The following LRRC49 variants were observed in gnomAD, a reference collection of about 807,000 sequenced individuals.
LRRC49 encodes leucine rich repeat containing 49.
A neutral mutation model predicts 83.3 loss-of-function variants in LRRC49; 50 were observed. The ratio of observed to expected loss-of-function variants is 0.60; its 90% CI spans 0.48 to 0.76. The LOEUF (loss-of-function observed/expected upper bound fraction) is 0.76. Ranked by LOEUF, LRRC49 falls within the 30% of genes least tolerant of loss-of-function variation. LRRC49 has a pLI of 0.00. For synonymous variants in LRRC49, 286 were observed against 283.3 expected (o/e 1.01, Z -0.10); for missense variants, 704 against 809.1 (o/e 0.87, Z 1.58).
chr15:70,993,139 T>C (rs1286850964), intron 11 of LRRC49, among the ~76,000 whole-genome samples: 1 of 152,206 alleles, frequency 6.6e-6, no homozygotes, highest in African/African-American at 2.4e-5. Flanking sequence ...ACTGCCATGC[T>C]AGCAATGAGC....
In LRRC49 at chr15:70,882,446, T is replaced by C. The variant is rs764288615; in HGVS notation, c.18+9223T>C. ...CTATAGCACATCAGAGCATTTGATG[T>C]TGAGTTTTTAACATGTTTCTTCTTT... On this transcript the variant is annotated intron_variant, in intron 2 of 16. Coordinates refer to the LRRC49 transcript ENST00000544974. The C allele has an allele frequency of 1.9e-6, 3 of 1,601,100 alleles. No individual in the cohort carries two copies. In the Admixed American group the frequency reaches 5.1e-5, roughly 27 times the overall value.
chr15:70,905,140 T>G (rs1674933635), intron 5 of LRRC49, among the ~76,000 whole-genome samples: 1 of 152,218 alleles, frequency 6.6e-6, no homozygotes, highest in African/African-American at 2.4e-5. Context: ...CGATACTTTG[T>G]GATTATCTCA....
chr15:70,963,554 G>T (rs927904521), intron 8 of LRRC49, among the ~76,000 whole-genome samples: 2 of 151,972 alleles, frequency 1.3e-5, no homozygotes, highest in Non-Finnish European at 2.9e-5. Flanking sequence ...TAAAATACAG[G>T]CTTTAGCTAC....
At position 70,903,091 on chromosome 15, in the gene LRRC49, G is replaced by A. The variant is rs555567015; in HGVS notation, c.297-1461G>A. On this transcript the variant is annotated intron_variant, in intron 4 of 15. Coordinates refer to ENST00000260382, the MANE Select transcript of LRRC49 (RefSeq NM_017691.5). The stretch of plus-strand genomic sequence containing the variant: ...TTAGTGATGACCGATTCAAGAATTG[G>A]ATGAAATAGAAGTTGGGGGGTATCA... 4.6e-5 allele frequency among the ~76,000 whole-genome samples: 7 copies of A among 152,190 alleles called. No individual in the cohort carries two copies. The South Asian group carries it at 1.5e-3, about 32-fold the overall frequency.
At chr15:70,987,391 C>T (rs1248815481) in intron 11 of LRRC49, among the ~76,000 whole-genome samples, 2 of 152,162 alleles carry the variant, frequency 1.3e-5, no homozygotes, top group East Asian at 3.9e-4. Flanking sequence ...GGAATTTATC[C>T]ATTTCTTCTA....
intron 6 of LRRC49, among the ~76,000 whole-genome samples, chr15:70,917,355 C>T (rs891969301): frequency 2.0e-5 from 3 of 152,146 alleles, no homozygotes; most frequent in Admixed American, 1.3e-4. Flanking sequence ...TGCCTGTGGC[C>T]GCCCATGGGC....
intron 14 of LRRC49, among the ~76,000 whole-genome samples, chr15:71,016,375 G>T (rs1038539026): frequency 6.6e-6 from 1 of 152,070 alleles, no homozygotes; most frequent in African/African-American, 2.4e-5. Context: ...AAGCTGTGCT[G>T]ACAGGAAATT....
intron 9 of LRRC49, among the ~76,000 whole-genome samples, chr15:70,975,632 G>A (rs1205055224): frequency 6.6e-6 from 1 of 152,194 alleles, no homozygotes; most frequent in Non-Finnish European, 1.5e-5. Context: ...GGTCAAAGCT[G>A]CAGTGAGCCA....
intron 10 of LRRC49, among the ~76,000 whole-genome samples, chr15:70,982,213 T>C (rs2037426854): frequency 6.6e-6 from 1 of 152,192 alleles, no homozygotes; most frequent in Non-Finnish European, 1.5e-5. Context: ...CTGCTTTATC[T>C]ATGTCATTCT....
At chr15:70,926,942 C>G (rs1288230561) in intron 7 of LRRC49, among the ~76,000 whole-genome samples, 1 of 152,098 alleles carries the variant, frequency 6.6e-6, no homozygotes, top group Non-Finnish European at 1.5e-5. Flanking sequence ...AGACACTTCT[C>G]AAAAGAAGAC....
At chr15:70,959,599 A>AAGGG (rs1361128934) in intron 8 of LRRC49, among the ~76,000 whole-genome samples, 17 of 133,496 alleles carry the variant, frequency 1.3e-4, no homozygotes, top group African/African-American at 3.9e-4. Flanking sequence ...GGAAGGAAGG[A>AAGGG]AGGGAGGGAA....
chr15:71,005,223 C>T (rs1047245731), intron 11 of LRRC49, among the ~76,000 whole-genome samples: 1 of 152,092 alleles, frequency 6.6e-6, no homozygotes, highest in Admixed American at 6.6e-5. Flanking sequence ...CTATTTATCT[C>T]TCAAGGATCA....
chr15:70,893,151 C>T (rs1399986560), intron 1 of LRRC49: 2 of 624,632 alleles, frequency 3.2e-6, no homozygotes, highest in South Asian at 2.0e-5. Flanking sequence ...AGGATCTGGG[C>T]TCCCCAGAAG....
At chr15:70,861,470 T>A (rs2032788889) in intron 1 of LRRC49, among the ~76,000 whole-genome samples, 1 of 134,922 alleles carries the variant, frequency 7.4e-6, no homozygotes, top group Admixed American at 8.0e-5. Flanking sequence ...GCATTATGAA[T>A]GGAAGTCGGG....
intron 8 of LRRC49, among the ~76,000 whole-genome samples, chr15:70,943,360 A>T (rs2035891834): frequency 6.6e-6 from 1 of 152,224 alleles, no homozygotes; most frequent in Non-Finnish European, 1.5e-5. Flanking sequence ...GTTTTAGAGC[A>T]GGAGTGAAAG....
intron 11 of LRRC49, among the ~76,000 whole-genome samples, chr15:70,995,593 A>G (rs1318759130): frequency 6.6e-6 from 1 of 152,190 alleles, no homozygotes; most frequent in East Asian, 1.9e-4. Context: ...TATAAGTTTT[A>G]CTAGTTTTGG....
intron 7 of LRRC49, among the ~76,000 whole-genome samples, chr15:70,927,059 C>T (rs375012269): frequency 5.3e-5 from 8 of 152,002 alleles, no homozygotes; most frequent in Admixed American, 1.3e-4. Flanking sequence ...GTTAGAATGG[C>T]GATCATTAAA....
chr15:70,947,397 A>G (rs896660766), intron 8 of LRRC49, among the ~76,000 whole-genome samples: 1 of 152,202 alleles, frequency 6.6e-6, no homozygotes, highest in African/African-American at 2.4e-5. Flanking sequence ...GGCATTGTGG[A>G]GAGTAACAGA....
At chr15:71,043,499 A>G (rs1405085411) in intron 15 of LRRC49, among the ~76,000 whole-genome samples, 2 of 152,082 alleles carry the variant, frequency 1.3e-5, no homozygotes, top group African/African-American at 4.8e-5. Flanking sequence ...AGGAGCAACA[A>G]CTCCTTGACA....
Sources: gnomAD v4.1 joint callset for allele counts (sites outside exome capture counted in the v4.1 genomes callset) on GRCh38, gnomAD v4.1.1 for gene constraint, MANE v1.5 for transcripts, NCBI Gene and HGNC (gene_info 2026-07-23, HGNC 2026-07-21) for gene names.